PTPN3: variants seen among roughly 807,000 people sequenced by gnomAD.
PTPN3 encodes protein tyrosine phosphatase non-receptor type 3.
PTPN3 carries 96 observed loss-of-function variants against 132.7 expected under a neutral mutation model. The observed-to-expected ratio is 0.72, with a 90% CI of 0.61 to 0.86. The LOEUF is 0.86. PTPN3 is among the 40% of genes least tolerant of loss of function. PTPN3 has a pLI of 0.00. For synonymous variants in PTPN3, 398 were observed against 429.0 expected, an observed-to-expected ratio of 0.93 and a Z score of 0.89; for missense variants, 1,125 against 1,159.6, an observed-to-expected ratio of 0.97 and a Z score of 0.43.
At chr9:109,523,614 A>T in the PTPN3 span, among the ~76,000 whole-genome samples, 2 of 152,276 alleles carry the variant, frequency 1.3e-5, no homozygotes, top group Admixed American at 6.5e-5. Context: ...TTCATTCTTT[A>T]TGGCTCTTGT....
intron 19 of PTPN3, among the ~76,000 whole-genome samples, chr9:109,402,704 C>T (rs1168897566): frequency 6.9e-6 from 1 of 144,182 alleles, no homozygotes; most frequent in Non-Finnish European, 1.5e-5. Flanking sequence ...ATTATAGTTA[C>T]TACCCTTTTA....
intron 22 of PTPN3, 131 bp downstream of exon 22, chr9:109,389,102 G>T: frequency 8.1e-7 from 1 of 1,234,466 alleles, no homozygotes; most frequent in Non-Finnish European, 1.1e-6. Flanking sequence ...TGGTTGCTCT[G>T]TAGAGGAGAC....
intron 1 of PTPN3, among the ~76,000 whole-genome samples, chr9:109,485,871 G>T (rs1847184845): frequency 6.6e-6 from 1 of 152,228 alleles, no homozygotes; most frequent in Non-Finnish European, 1.5e-5. Context: ...GACCTATTTA[G>T]TAACTCTGAA....
the PTPN3 span, among the ~76,000 whole-genome samples, chr9:109,525,707 A>G: frequency 6.6e-6 from 1 of 152,202 alleles, no homozygotes; most frequent in Non-Finnish European, 1.5e-5. Flanking sequence ...CTCTGTGTTC[A>G]GGAAGGGTCT....
chr9:109,390,001 G>C (rs1839925356), intron 21 of PTPN3, among the ~76,000 whole-genome samples: 1 of 152,182 alleles, frequency 6.6e-6, no homozygotes, highest in African/African-American at 2.4e-5. Context: ...GCTGAGCTTT[G>C]GGCTGGCACT....
the PTPN3 span, among the ~76,000 whole-genome samples, chr9:109,523,623 G>T: frequency 6.6e-6 from 1 of 152,266 alleles, no homozygotes; most frequent in African/African-American, 2.4e-5. Context: ...TATGGCTCTT[G>T]TTGCTATGTT....
intron 14 of PTPN3, among the ~76,000 whole-genome samples, chr9:109,412,114 A>T (rs940744707): frequency 5.3e-5 from 8 of 152,188 alleles, no homozygotes; most frequent in African/African-American, 1.7e-4. Context: ...CAGTTACAAA[A>T]CAAGTTAAAA....
chr9:109,456,462 G>C (rs1413301765), intron 4 of PTPN3, among the ~76,000 whole-genome samples: 1 of 152,212 alleles, frequency 6.6e-6, no homozygotes, highest in Non-Finnish European at 1.5e-5. Context: ...CTTGAAAAAA[G>C]GCAGGATTTC....
At chr9:109,429,035 C>T in intron 10 of PTPN3, 1 of 985,432 alleles carries the variant, frequency 1.0e-6, no homozygotes, top group Non-Finnish European at 1.2e-6. Context: ...CATGGAGCAG[C>T]TGAAAGAGGA....
intron 5 of PTPN3, chr9:109,451,467 T>C (rs973847994): frequency 1.4e-5 from 13 of 897,666 alleles, no homozygotes; most frequent in Non-Finnish European, 1.1e-5. Flanking sequence ...TATTACTCAT[T>C]CTGTGCTAAA....
rs1277877905 is a variant in PTPN3 at position 109,489,002 on chromosome 9, G to GGTGCAGGAAGAAGAGGTGGAAGTGTGA, written c.-18+9190_-18+9216dup. On this transcript the variant is annotated intron_variant, in intron 1 of 25. Transcript: ENST00000374541. ...GGGCTGGAACAGGGATGTGGGCGTT[G>GGTGCAGGAAGAAGAGGTGGAAGTGTGA]GTGCAGGAAGAAGAGGTGGAAGTGT... Among the ~76,000 whole-genome samples, 8 of 152,328 alleles carry GGTGCAGGAAGAAGAGGTGGAAGTGTGA rather than the reference G, an allele frequency of 5.3e-5. No individual in the cohort carries two copies. The South Asian group carries it at 8.3e-4, about 16-fold the overall frequency.
chr9:109,445,686 GCTCT>G lies in PTPN3; in HGVS notation c.414-398_414-395del, dbSNP rs139156231. On this transcript the variant is annotated intron_variant, in intron 6 of 25. Transcript: ENST00000374541. ...GTAAAGACCTGAGACTCATCATAGG[GCTCT>G]CTAACTAAATTCCTGAGTTCTAATG... 2.3e-3 allele frequency among the ~76,000 whole-genome samples: 349 copies of G among 152,228 alleles called. 2 individuals carry two copies. The highest frequency in any genetic ancestry group is 8.1e-3 in the African/African-American group (337 of 41,534).
In PTPN3 at chr9:109,448,931, A is replaced by G; in HGVS notation, c.369-76T>C. 3 of 1,549,058 alleles carry G rather than the reference A, an allele frequency of 1.9e-6. 1 individual carries two copies. The South Asian group carries it at 3.7e-5, about 19-fold the overall frequency. On this transcript the variant is annotated intron_variant, in intron 5 of 25. Transcript: ENST00000374541. ...AAAAAAAAAAAAAGAAAGTTTGATG[A>G]GTCAAAGACAAGAGCTGTACATGTG...
the PTPN3 span, among the ~76,000 whole-genome samples, chr9:109,528,901 A>G: frequency 6.6e-6 from 1 of 151,856 alleles, no homozygotes; most frequent in East Asian, 1.9e-4. Flanking sequence ...TTCTTTCTTG[A>G]TACTGGTGCT....
intron 19 of PTPN3, among the ~76,000 whole-genome samples, chr9:109,391,993 A>C (rs1176824581): frequency 6.6e-6 from 1 of 151,680 alleles, no homozygotes; most frequent in East Asian, 1.9e-4. Flanking sequence ...AGAGCATTTC[A>C]TTCATCATTT....
intron 19 of PTPN3, chr9:109,392,785 G>A (rs933784602): frequency 6.6e-6 from 1 of 152,090 alleles, no homozygotes; most frequent in African/African-American, 2.4e-5. Context: ...TGTATTTTTA[G>A]TAGAGACAGG....
At chr9:109,399,254 G>T (rs1003175711) in intron 19 of PTPN3, among the ~76,000 whole-genome samples, 1 of 152,148 alleles carries the variant, frequency 6.6e-6, no homozygotes, top group African/African-American at 2.4e-5. Flanking sequence ...CTCAACCTCC[G>T]AGGCTAGAGC....
intron 17 of PTPN3, among the ~76,000 whole-genome samples, chr9:109,406,877 T>C (rs1447412233): frequency 6.6e-6 from 1 of 152,242 alleles, no homozygotes; most frequent in Non-Finnish European, 1.5e-5. Flanking sequence ...GCTGAAGCCA[T>C]TTCTCCGTGG....
chr9:109,477,484 C>T (rs1381845298), intron 1 of PTPN3, among the ~76,000 whole-genome samples: 1 of 152,244 alleles, frequency 6.6e-6, no homozygotes, highest in Non-Finnish European at 1.5e-5. Flanking sequence ...TACCCTGTGA[C>T]TGTGAAGGTC....
Sources: allele counts gnomAD v4.1 joint callset (sites outside exome capture counted in the v4.1 genomes callset), GRCh38; gene constraint gnomAD v4.1.1; transcripts MANE v1.5; gene names NCBI Gene and HGNC (gene_info 2026-07-23, HGNC 2026-07-21).